Variants in GDAP2 observed in about 807,000 individuals in gnomAD.
GDAP2 encodes the protein ganglioside-induced differentiation-associated protein 2.
In GDAP2, 51 loss-of-function variants were observed where a neutral mutation model predicts 67.0. That is an observed-to-expected ratio of 0.76 (90% CI 0.61 to 0.96). The LOEUF (loss-of-function observed/expected upper bound fraction) is 0.96, where lower values mean the gene tolerates loss of function less well. Ranked by LOEUF, GDAP2 falls within the 40% of genes least tolerant of loss-of-function variation. GDAP2 has a pLI of 0.00. For synonymous variants in GDAP2, 203 were observed against 207.3 expected, an observed-to-expected ratio of 0.98 and a Z score of 0.18; for missense variants, 547 against 588.3, an observed-to-expected ratio of 0.93 and a Z score of 0.73.
intron 6 of GDAP2, among the ~76,000 whole-genome samples, chr1:117,903,969 C>A (rs1321202196): frequency 6.6e-6 from 1 of 151,460 alleles, no homozygotes; most frequent in Non-Finnish European, 1.5e-5. Context: ...ATTCAATAAT[C>A]TATGAGTTTA....
At chr1:117,929,417 C>T (rs897384355) in intron 1 of GDAP2, 31 bp downstream of exon 1, 1 of 153,336 alleles carries the variant, frequency 6.5e-6, no homozygotes, top group African/African-American at 2.4e-5. Flanking sequence ...TCCGCCCCGC[C>T]TTCCCTCCCG....
rs772484324 is a variant in GDAP2 at position 117,912,076 on chromosome 1, C to T, written c.477G>A (p.Gln159=). The change falls in exon 5 of 14, where the codon CAG becomes CAA. Residue 159 remains glutamine, a synonymous_variant. Transcript: ENST00000369443. ...CACAGAAGCCAACAGAAGACATTGA[C>T]TGCTCTCTGCAACAAAGGGAAAACA... is the stretch of plus-strand genomic sequence containing the variant. The part of the protein sequence containing the change: ...YRNVLQLAKE[Q]SMSSVGFCVI... 1.2e-6 allele frequency: 2 copies of T among 1,602,170 alleles called. No homozygotes were observed. Among genetic ancestry groups the T allele is most frequent in the Non-Finnish European group, 1.7e-6 (2 of 1,169,316 alleles).
At chr1:117,898,492 A>T (rs1488335983) in intron 7 of GDAP2, among the ~76,000 whole-genome samples, 1 of 152,208 alleles carries the variant, frequency 6.6e-6, no homozygotes, top group Non-Finnish European at 1.5e-5. Flanking sequence ...TTCAAGACTC[A>T]GTCCCAGCAC....
At chr1:117,921,127 T>C (rs1225821032) in intron 1 of GDAP2, among the ~76,000 whole-genome samples, 3 of 152,174 alleles carry the variant, frequency 2.0e-5, no homozygotes, top group African/African-American at 7.2e-5. Context: ...GGAGAATCAA[T>C]TTGCCTATGA....
At chr1:117,907,879 G>A (rs1396127853) in intron 5 of GDAP2, among the ~76,000 whole-genome samples, 3 of 152,052 alleles carry the variant, frequency 2.0e-5, no homozygotes, top group Non-Finnish European at 2.9e-5. Context: ...ACTACTTACA[G>A]GTTAAGATTC....
rs967824286 is a variant in GDAP2 at position 117,879,472 on chromosome 1, AATG to A, written c.1303-1323_1303-1321del. Among the ~76,000 whole-genome samples the A allele has an allele frequency of 1.2e-3, 177 of 151,942 alleles. 2 individuals are homozygous for A. The highest frequency in any genetic ancestry group is 4.0e-3 in the African/African-American group (166 of 41,474). ...CCAAGGTCTAAAGCCTAAGAATGAT[AATG>A]ATGATGATGATGATGATGATAATGA... On this transcript the variant is annotated intron_variant, in intron 12 of 13. Transcript: ENST00000369443.
chr1:117,924,430 G>T (rs1171541164), intron 1 of GDAP2, among the ~76,000 whole-genome samples: 3 of 152,196 alleles, frequency 2.0e-5, no homozygotes, highest in Non-Finnish European at 4.4e-5. Flanking sequence ...ATGGCCTCCA[G>T]CTCCATCTAT....
chr1:117,913,797 C>A (rs760822876), intron 3 of GDAP2, among the ~76,000 whole-genome samples: 1 of 152,090 alleles, frequency 6.6e-6, no homozygotes, highest in Non-Finnish European at 1.5e-5. Context: ...AACCCTACCC[C>A]CTAATGTGAT....
rs767045669 is a variant in GDAP2, at chr1:117,903,945, G to T, written c.636+2561C>A. On this transcript the variant is annotated intron_variant, in intron 6 of 13. Coordinates refer to ENST00000369443, the MANE Select transcript of GDAP2 (RefSeq NM_017686.4). The stretch of plus-strand genomic sequence containing the variant: ...GAGTCTTCAGACAACAATATTCTAG[G>T]TTATCTTTCTCAAATTCAATAATCT... 2.0e-5 allele frequency among the ~76,000 whole-genome samples: 3 copies of T among 150,944 alleles called. No individual in the cohort carries two copies. The South Asian group carries it at 6.3e-4, about 32-fold the overall frequency.
intron 13 of GDAP2, chr1:117,877,668 C>G: frequency 9.8e-7 from 1 of 1,024,746 alleles, no homozygotes; most frequent in Non-Finnish European, 1.2e-6. Flanking sequence ...ATTCTTCTGG[C>G]TCTGTGTAGA....
chr1:117,918,986 T>C (rs1423338992), intron 2 of GDAP2, among the ~76,000 whole-genome samples: 1 of 152,216 alleles, frequency 6.6e-6, no homozygotes, highest in Non-Finnish European at 1.5e-5. Context: ...TTACTTATTA[T>C]GGCCAGAGAG....
Position 117,886,600 on chromosome 1 carries a change from C to T in GDAP2, c.1084G>A (p.Val362Ile), listed in dbSNP as rs1362561916. The change falls in exon 10 of 14, where the codon GTA becomes ATA. Residue 362 changes from valine (V) to isoleucine (I), a missense_variant. Val to Ile is a conservative substitution (Grantham distance 29). Transcript: ENST00000369443. The stretch of plus-strand genomic sequence containing the variant: ...ACCTTGTCCATATCTATTAATGTTA[C>T]AGGAATGTTTCTTCCAACTACCACC... Reference protein sequence around the residue: ...VMVVVGRNIPVTLIDMDKALL... With the variant: ...VMVVVGRNIPITLIDMDKALL... The T allele has an allele frequency of 1.3e-6, 2 of 1,574,596 alleles. No homozygotes were observed. Among genetic ancestry groups the T allele is most frequent in the East Asian group, 2.2e-5 (1 of 44,644 alleles).
chr1:117,918,703 G>A lies in GDAP2; in HGVS notation c.210C>T (p.Ala70=), dbSNP rs1288113580. 1 of 1,599,656 alleles carries A rather than the reference G, an allele frequency of 6.3e-7. No individual in the cohort carries two copies. Among genetic ancestry groups the A allele is most frequent in the Non-Finnish European group, 8.6e-7 (1 of 1,166,932 alleles). The change falls in exon 3 of 14, where the codon GCC becomes GCT. Residue 70 remains alanine (A), a synonymous_variant. Coordinates refer to ENST00000369443, the MANE Select transcript of GDAP2 (RefSeq NM_017686.4). ...KGDVALLNCT[A]IVNTSNESLT... ...GACTTTCATTGCTGGTATTCACAAT[G>A]GCTGTACAGTTCAGTAATGCCACAT...
rs74954086 is a variant in GDAP2, at chr1:117,906,068, T to C, written c.636+438A>G. The stretch of plus-strand genomic sequence containing the variant: ...AAAATGGTTTGAAATTAAGTTGAAA[T>C]ATATTAAACCTAACTACATATAACA... On this transcript the variant is annotated intron_variant, in intron 6 of 13. Transcript: ENST00000369443. Among the ~76,000 whole-genome samples the C allele has an allele frequency of 3.5e-3, 534 of 152,294 alleles. 2 individuals carry two copies. The highest frequency in any genetic ancestry group is 0.012 in the African/African-American group (508 of 41,554).
Position 117,906,573 on chromosome 1 carries a change from C to T in GDAP2, c.569G>A (p.Arg190Lys). The stretch of plus-strand genomic sequence containing the variant: ...TTCCCCATGAATCTCTAGGAATCTT[C>T]TTACAGTGCCTAAGGAAAAGAATAG... ...DATHIALRTV[R>K]RFLEIHGETI... Residue 190 changes from arginine to lysine, a missense_variant, in exon 6 of 14, where the codon AGA (arginine) becomes AAA (lysine). By Grantham distance (26) the Arg-to-Lys change is conservative (BLOSUM62 2). Transcript: ENST00000369443. 2 of 1,517,582 alleles carry T rather than the reference C, an allele frequency of 1.3e-6. No homozygotes were observed. The highest frequency in any genetic ancestry group is 1.8e-6 in the Non-Finnish European group (2 of 1,097,142). 94.0% of individuals were successfully genotyped at this position (1,517,582 alleles called of 1,614,324 possible).
In GDAP2 at chr1:117,878,075, C is replaced by G; in HGVS notation, c.1380G>C (p.Gln460His). 1 of 1,612,600 alleles carries G rather than the reference C, an allele frequency of 6.2e-7. No homozygotes were observed. The highest frequency in any genetic ancestry group is 8.5e-7 in the Non-Finnish European group (1 of 1,178,858). ...GTTCTGGTGATATGGCAGAAAACAG[C>G]TGGTGGAGGCTGTCCACATGGTGGA... ...DKIHHVDSLH[Q>H]LFSAISPEQI... The change falls in exon 13 of 14, where the codon CAG becomes CAC. Residue 460 changes from glutamine (Q) to histidine (H), a missense_variant. By Grantham distance (24) the Gln-to-His change is conservative. Transcript: ENST00000369443.
rs1649354931 is a variant in GDAP2, at chr1:117,899,039, T to TA, written c.796+17dup. 6.2e-7 allele frequency: 1 copy of TA among 1,605,796 alleles called. No homozygotes were observed. The highest frequency in any genetic ancestry group is 1.3e-5 in the African/African-American group (1 of 74,710). ...GCCCTAAGAGGGAGATTTAAAAAGTTAGAGCTCTAGAACTCACCTTCTGGA... is the reference window on the plus strand; with the variant it reads ...GCCCTAAGAGGGAGATTTAAAAAGTTAAGAGCTCTAGAACTCACCTTCTGGA... On this transcript the variant is annotated intron_variant, in intron 7 of 13. Transcript: ENST00000369443.
At chr1:117,902,824 A>C (rs192898743) in intron 6 of GDAP2, among the ~76,000 whole-genome samples, 5 of 152,312 alleles carry the variant, frequency 3.3e-5, no homozygotes, top group African/African-American at 1.2e-4. Context: ...ATAGGAATTA[A>C]GTCTGTAATA....
rs562090391 is a variant in GDAP2 at position 117,913,058 on chromosome 1, A to G, written c.317-375T>C. Among the ~76,000 whole-genome samples the G allele has an allele frequency of 1.6e-4, 24 of 152,320 alleles. 1 individual carries two copies. The highest frequency in any genetic ancestry group is 5.3e-4 in the African/African-American group (22 of 41,576). On this transcript the variant is annotated intron_variant, in intron 3 of 13. Coordinates refer to ENST00000369443, the MANE Select transcript of GDAP2 (RefSeq NM_017686.4). ...TGTACTGAAAAGCAGTGTTGGATAC[A>G]AGACAGACTGCTTTGATTCAAATCC...
Sources: gnomAD v4.1 joint callset for allele counts (sites outside exome capture counted in the v4.1 genomes callset) on GRCh38, gnomAD v4.1.1 for gene constraint, MANE v1.5 for transcripts, NCBI Gene and HGNC (gene_info 2026-07-23, HGNC 2026-07-21) for gene names.